The following PRUNE2 variants were observed in gnomAD, a reference collection of about 807,000 sequenced individuals.
PRUNE2 encodes prune homolog 2 with BCH domain.
In PRUNE2, 164 loss-of-function variants were observed where a neutral mutation model predicts 252.0. That is an observed-to-expected ratio of 0.65 (90% CI 0.57 to 0.74). The LOEUF is 0.74. Ranked by LOEUF, PRUNE2 falls within the 30% of genes least tolerant of loss-of-function variation. The probability of loss-of-function intolerance (pLI) is 0.00; values close to 1 mark genes in which losing one functional copy is unlikely to be tolerated. For missense variants in PRUNE2, 3,495 were observed against 3,711.0 expected (o/e 0.94, Z 1.51); for synonymous variants, 1,292 against 1,350.2 (o/e 0.96, Z 0.94).
intron 6 of PRUNE2, among the ~76,000 whole-genome samples, chr9:76,793,111 T>C (rs935135700): frequency 2.6e-5 from 4 of 152,200 alleles, no homozygotes; most frequent in Non-Finnish European, 5.9e-5. Flanking sequence ...TCTGCAATTA[T>C]AATATACAGG....
intron 13 of PRUNE2, 94 bp downstream of exon 13, chr9:76,638,092 C>T (rs541991635): frequency 1.3e-6 from 1 of 784,638 alleles, no homozygotes. Context: ...TTAGAACATT[C>T]TACATCATCT....
rs547712157 is a variant in PRUNE2, at chr9:76,835,365, GA to G, written c.509-8634del. Among the ~76,000 whole-genome samples, 495 of 152,050 alleles carry G rather than the reference GA, an allele frequency of 3.3e-3. 2 individuals are homozygous for G. Among genetic ancestry groups the G allele is most frequent in the African/African-American group, 0.011 (471 of 41,486 alleles). On this transcript the variant is annotated intron_variant, in intron 4 of 18. Transcript: ENST00000376718. ...AAAAGTAAGGAATGAATAACAGAGAGAAAGAGGGAGGAGGAAAATGGAAGGA... is the reference window on the plus strand; with the variant it reads ...AAAAGTAAGGAATGAATAACAGAGAGAAGAGGGAGGAGGAAAATGGAAGGA...
intron 1 of PRUNE2, among the ~76,000 whole-genome samples, chr9:76,891,548 C>A (rs749557194): frequency 6.6e-6 from 1 of 152,182 alleles, no homozygotes; most frequent in Admixed American, 6.5e-5. Flanking sequence ...GTCCATCACA[C>A]GAAACTCCAA....
chr9:76,814,218 T>A (rs2057538936), intron 6 of PRUNE2, among the ~76,000 whole-genome samples: 1 of 152,180 alleles, frequency 6.6e-6, no homozygotes. Flanking sequence ...CCCCTTATAA[T>A]CAATCTGGGC....
chr9:76,897,967 G>C (rs2062942545), intron 1 of PRUNE2, among the ~76,000 whole-genome samples: 2 of 152,096 alleles, frequency 1.3e-5, no homozygotes, highest in Admixed American at 1.3e-4. Flanking sequence ...ACTGTGCCTG[G>C]AGATCACGTC....
At chr9:76,805,362 C>T (rs779695278) in intron 6 of PRUNE2, among the ~76,000 whole-genome samples, 6 of 152,104 alleles carry the variant, frequency 3.9e-5, no homozygotes, top group Non-Finnish European at 7.4e-5. Flanking sequence ...GGCTCACACT[C>T]GTAATCCCAG....
At chr9:76,844,888 G>A (rs1175734474) in intron 4 of PRUNE2, among the ~76,000 whole-genome samples, 1 of 151,650 alleles carries the variant, frequency 6.6e-6, no homozygotes, top group Non-Finnish European at 1.5e-5. Flanking sequence ...ATCCAGCCAG[G>A]TGCAGTAGCT....
At chr9:76,879,245 G>C (rs149107625) in intron 1 of PRUNE2, among the ~76,000 whole-genome samples, 23 of 152,328 alleles carry the variant, frequency 1.5e-4, no homozygotes, top group African/African-American at 5.3e-4. Flanking sequence ...GACAGAAAGA[G>C]ATGTTTTGCA....
intron 6 of PRUNE2, among the ~76,000 whole-genome samples, chr9:76,729,392 C>A (rs544359971): frequency 2.6e-5 from 4 of 152,154 alleles, no homozygotes; most frequent in African/African-American, 9.7e-5. Flanking sequence ...ATTTGAGAAC[C>A]ACATTTTTAT....
chr9:76,809,165 C>A (rs1025766664), intron 6 of PRUNE2, among the ~76,000 whole-genome samples: 3 of 152,216 alleles, frequency 2.0e-5, no homozygotes, highest in Non-Finnish European at 4.4e-5. Context: ...TGATCTACCT[C>A]CCCTTCCCAA....
intron 2 of PRUNE2, among the ~76,000 whole-genome samples, chr9:76,852,170 G>C (rs1231379292): frequency 1.3e-5 from 2 of 152,204 alleles, no homozygotes; most frequent in Admixed American, 6.5e-5. Context: ...ATCAGCCACT[G>C]CTATAGCATA....
intron 6 of PRUNE2, chr9:76,759,430 A>C (rs2051475917): frequency 6.6e-6 from 1 of 152,412 alleles, no homozygotes; most frequent in African/African-American, 2.4e-5. Flanking sequence ...GTGCCCACAC[A>C]GACCCCAAAC....
chr9:76,755,206 C>T (rs2051025620), intron 6 of PRUNE2, among the ~76,000 whole-genome samples: 2 of 152,152 alleles, frequency 1.3e-5, no homozygotes, highest in Non-Finnish European at 1.5e-5. Flanking sequence ...GTTTGCTATT[C>T]GTCTCCCCTG....
chr9:76,851,760 T>A (rs968373567), intron 2 of PRUNE2, among the ~76,000 whole-genome samples: 6 of 152,316 alleles, frequency 3.9e-5, no homozygotes, highest in African/African-American at 1.2e-4. Context: ...AAACATTTTT[T>A]ATTAACAAGT....
chr9:76,880,861 T>C (rs1383133210), intron 1 of PRUNE2, among the ~76,000 whole-genome samples: 5 of 152,270 alleles, frequency 3.3e-5, no homozygotes, highest in South Asian at 2.1e-4. Context: ...TTTTAACAAA[T>C]TAAAAAATAA....
intron 6 of PRUNE2, among the ~76,000 whole-genome samples, chr9:76,822,016 G>C (rs2131928627): frequency 6.6e-6 from 1 of 152,238 alleles, no homozygotes; most frequent in Non-Finnish European, 1.5e-5. Context: ...GAAGACAGAG[G>C]AGAGGGGAAC....
At chr9:76,878,842 A>T (rs1410723848) in intron 1 of PRUNE2, among the ~76,000 whole-genome samples, 4 of 152,258 alleles carry the variant, frequency 2.6e-5, no homozygotes, top group Non-Finnish European at 5.9e-5. Context: ...ATAATTATAC[A>T]AAGACTTCCC....
In PRUNE2 at chr9:76,709,375, A is replaced by G; in HGVS notation, c.2899T>C (p.Tyr967His). The G allele has an allele frequency of 2.5e-6, 4 of 1,613,924 alleles. No individual in the cohort carries two copies. The highest frequency in any genetic ancestry group is 3.4e-6 in the Non-Finnish European group (4 of 1,179,858). ...DSVPSPLDTNYSTSDSYTSPT... is the reference protein window; with the variant it reads ...DSVPSPLDTNHSTSDSYTSPT... Reference sequence around the variant, plus strand: ...GATGTGTAAGAGTCTGAGGTGGAATAATTGGTATCTAAGGGGGAAGGCACC... The same window carrying G: ...GATGTGTAAGAGTCTGAGGTGGAATGATTGGTATCTAAGGGGGAAGGCACC... The change falls in exon 8 of 19, where the codon TAT becomes CAT. Residue 967 changes from tyrosine (Y) to histidine (H), a missense_variant. Transcript: ENST00000376718.
At chr9:76,622,593 C>T (rs1832852995) in intron 17 of PRUNE2, among the ~76,000 whole-genome samples, 1 of 152,106 alleles carries the variant, frequency 6.6e-6, no homozygotes, top group Non-Finnish European at 1.5e-5. Context: ...CTGAAAAAAT[C>T]TGAAAGAGAA....
Sources: allele counts gnomAD v4.1 joint callset (sites outside exome capture counted in the v4.1 genomes callset), GRCh38; gene constraint gnomAD v4.1.1; transcripts MANE v1.5; gene names NCBI Gene and HGNC (gene_info 2026-07-23, HGNC 2026-07-21).